The following FSTL4 variants were observed in gnomAD, a reference collection of about 807,000 sequenced individuals.
FSTL4 encodes follistatin-related protein 4.
A neutral mutation model predicts 78.2 loss-of-function variants in FSTL4; 28 were observed. That is an observed-to-expected ratio of 0.36 (90% CI 0.27 to 0.49). The LOEUF is 0.49. Among genes scored for constraint, FSTL4 ranks in the 20% least tolerant of loss-of-function variants. The pLI, the probability that FSTL4 is intolerant of heterozygous loss-of-function variation, is 0.98. For synonymous variants in FSTL4, 422 were observed against 440.5 expected (o/e 0.96, Z 0.53); for missense variants, 922 against 1,084.9 (o/e 0.85, Z 2.11).
At chr5:133,726,111 G>A in the FSTL4 span, among the ~76,000 whole-genome samples, 37 of 152,290 alleles carry the variant, frequency 2.4e-4, no homozygotes, top group Admixed American at 1.0e-3. Flanking sequence ...AGGCATGGCT[G>A]ATAGCATCTC....
chr5:133,694,520 G>GC, the FSTL4 span, among the ~76,000 whole-genome samples: 1 of 152,354 alleles, frequency 6.6e-6, no homozygotes, highest in South Asian at 2.1e-4. Flanking sequence ...TTCTCCTGGC[G>GC]CTCACAGCCT....
chr5:133,604,641 G>A (rs533615143), intron 1 of FSTL4, among the ~76,000 whole-genome samples: 51 of 152,130 alleles, frequency 3.4e-4, no homozygotes, highest in African/African-American at 9.6e-4. Context: ...CTCGGGAGGC[G>A]GAGGTTGCAG....
chr5:133,261,673 T>C (rs919882085), intron 6 of FSTL4, among the ~76,000 whole-genome samples: 5 of 151,892 alleles, frequency 3.3e-5, no homozygotes. Context: ...CTGGCCAACA[T>C]GGTGAAACTC....
At chr5:133,235,523 C>T (rs1342807738) in intron 7 of FSTL4, among the ~76,000 whole-genome samples, 4 of 145,030 alleles carry the variant, frequency 2.8e-5, no homozygotes, top group Non-Finnish European at 6.0e-5. Flanking sequence ...AAAAAAGACA[C>T]TTTCTGGCTA....
chr5:133,461,946 C>T (rs1757602950), intron 3 of FSTL4, among the ~76,000 whole-genome samples: 1 of 152,156 alleles, frequency 6.6e-6, no homozygotes, highest in Admixed American at 6.5e-5. Context: ...AAGCTCTAGG[C>T]CTATGCAGGT....
chr5:133,821,349 T>C, the FSTL4 span, among the ~76,000 whole-genome samples: 4 of 152,272 alleles, frequency 2.6e-5, no homozygotes, highest in East Asian at 7.7e-4. Context: ...AGACAGAAGC[T>C]GAATTTAGCA....
intron 3 of FSTL4, among the ~76,000 whole-genome samples, chr5:133,506,620 A>C (rs1758617370): frequency 6.6e-6 from 1 of 152,224 alleles, no homozygotes; most frequent in Non-Finnish European, 1.5e-5. Flanking sequence ...TCACCTCTGT[A>C]ACGGGGGAAT....
chr5:133,719,672 T>TAAAAA, the FSTL4 span, among the ~76,000 whole-genome samples: 1 of 102,076 alleles, frequency 9.8e-6, no homozygotes, highest in Non-Finnish European at 1.9e-5. Context: ...AAACTCCATC[T>TAAAAA]AAAAAAAAAA....
chr5:133,420,993 G>C (rs912601564), intron 3 of FSTL4, among the ~76,000 whole-genome samples: 1 of 152,218 alleles, frequency 6.6e-6, no homozygotes, highest in Admixed American at 6.5e-5. Context: ...ATGGCTCTCT[G>C]CTGCCTGCTT....
At chr5:133,812,210 C>T in the FSTL4 span, among the ~76,000 whole-genome samples, 1 of 152,144 alleles carries the variant, frequency 6.6e-6, no homozygotes, top group Non-Finnish European at 1.5e-5. Flanking sequence ...CACTTACTAC[C>T]ATGTCTTGCC....
At chr5:133,667,794 T>G in the FSTL4 span, among the ~76,000 whole-genome samples, 1 of 152,262 alleles carries the variant, frequency 6.6e-6, no homozygotes, top group East Asian at 1.9e-4. Context: ...ACTTATTTGT[T>G]TATCTGTTAT....
rs374743318 is a variant in FSTL4 at position 133,592,894 on chromosome 5, C to T, written c.126+10964G>A. 7.9e-5 allele frequency among the ~76,000 whole-genome samples: 12 copies of T among 152,292 alleles called. No individual in the cohort carries two copies. In the South Asian group the frequency reaches 2.3e-3, roughly 29 times the overall value. ...CAGAGCCATGAGTCAAATAAACTTACTTTCTTTATAAATTACCAGACTCAG... is the reference window on the plus strand; with the variant it reads ...CAGAGCCATGAGTCAAATAAACTTATTTTCTTTATAAATTACCAGACTCAG... On this transcript the variant is annotated intron_variant, in intron 2 of 15. Coordinates refer to ENST00000265342, the MANE Select transcript of FSTL4 (RefSeq NM_015082.2).
chr5:133,431,967 A>C (rs1467080542), intron 3 of FSTL4, among the ~76,000 whole-genome samples: 1 of 152,176 alleles, frequency 6.6e-6, no homozygotes, highest in Non-Finnish European at 1.5e-5. Context: ...TATATGCAAA[A>C]TCCAAGTACC....
At chr5:133,276,306 A>G (rs1264950961) in intron 6 of FSTL4, among the ~76,000 whole-genome samples, 1 of 152,132 alleles carries the variant, frequency 6.6e-6, no homozygotes, top group East Asian at 1.9e-4. Flanking sequence ...GTGGAGAGGG[A>G]GGGCACGCGT....
chr5:133,212,053 G>T (rs139544637), intron 13 of FSTL4, among the ~76,000 whole-genome samples: 297 of 152,256 alleles, frequency 2.0e-3, no homozygotes, highest in African/African-American at 6.9e-3. Flanking sequence ...CATACCCCGA[G>T]GCCTTTGTAG....
intron 6 of FSTL4, among the ~76,000 whole-genome samples, chr5:133,269,836 T>C (rs1436019858): frequency 1.3e-5 from 2 of 152,234 alleles, no homozygotes; most frequent in African/African-American, 2.4e-5. Context: ...CTTATGAATA[T>C]GGGTTTGGTG....
chr5:133,528,672 C>T (rs1033866513), intron 3 of FSTL4, among the ~76,000 whole-genome samples: 5 of 152,230 alleles, frequency 3.3e-5, no homozygotes, highest in Non-Finnish European at 7.3e-5. Context: ...CTGCCCCACT[C>T]TTCTGCAGGC....
the FSTL4 span, among the ~76,000 whole-genome samples, chr5:133,808,871 G>T: frequency 2.0e-5 from 1 of 49,664 alleles, no homozygotes; most frequent in Non-Finnish European, 4.4e-5. Flanking sequence ...ACCCCCCACC[G>T]CCCCCGCACA....
intron 3 of FSTL4, among the ~76,000 whole-genome samples, chr5:133,445,038 G>A (rs1757234113): frequency 6.6e-6 from 1 of 152,226 alleles, no homozygotes; most frequent in South Asian, 2.1e-4. Flanking sequence ...TAGCCAGCAT[G>A]TGTGAAAATA....
Sources: allele counts gnomAD v4.1 joint callset (sites outside exome capture counted in the v4.1 genomes callset), GRCh38; gene constraint gnomAD v4.1.1; transcripts MANE v1.5; gene names NCBI Gene and HGNC (gene_info 2026-07-23, HGNC 2026-07-21).